PRIM2: variants seen among roughly 807,000 people sequenced by gnomAD.
PRIM2 encodes DNA primase subunit 2, also known as DNA primase large subunit.
Under a neutral mutation model 67.3 loss-of-function variants are expected in PRIM2, and 39 were observed. That is an observed-to-expected ratio of 0.58 (90% CI 0.45 to 0.76). The LOEUF is 0.76. PRIM2 is among the 30% of genes least tolerant of loss of function. The probability of loss-of-function intolerance (pLI) is 0.00; values close to 1 mark genes in which losing one functional copy is unlikely to be tolerated. For missense variants in PRIM2, 398 were observed against 598.7 expected, an observed-to-expected ratio of 0.66 and a Z score of 3.50; for synonymous variants, 143 against 198.7, an observed-to-expected ratio of 0.72 and a Z score of 2.36.
At chr6:57,415,373 T>C (rs1771226661) in intron 7 of PRIM2, among the ~76,000 whole-genome samples, 1 of 152,206 alleles carries the variant, frequency 6.6e-6, no homozygotes, top group East Asian at 1.9e-4. Context: ...TGTTTCCCAG[T>C]GCATGTAAAA....
intron 8 of PRIM2, among the ~76,000 whole-genome samples, chr6:57,516,154 G>T (rs1554348234): frequency 2.6e-5 from 4 of 151,688 alleles, no homozygotes; most frequent in African/African-American, 9.7e-5. Flanking sequence ...GCTTTTAAAG[G>T]CCCGTGCGAT....
chr6:57,424,824 T>G (rs1230797837), intron 7 of PRIM2, among the ~76,000 whole-genome samples: 1 of 152,190 alleles, frequency 6.6e-6, no homozygotes, highest in Non-Finnish European at 1.5e-5. Context: ...GTTATATTAG[T>G]CTTAATGTAA....
chr6:57,224,025 G>T, the PRIM2 span, among the ~76,000 whole-genome samples: 1 of 152,182 alleles, frequency 6.6e-6, no homozygotes, highest in East Asian at 1.9e-4. Flanking sequence ...GTACAACCAT[G>T]TTTATAGCAG....
intron 13 of PRIM2, among the ~76,000 whole-genome samples, chr6:57,644,855 G>A (rs2127503024): frequency 6.6e-6 from 1 of 152,288 alleles, no homozygotes; most frequent in South Asian, 2.1e-4. Flanking sequence ...AGAAGGCAGG[G>A]ATTTGAGACT....
chr6:57,645,209 A>G, intron 13 of PRIM2, among the ~76,000 whole-genome samples: 1 of 151,746 alleles, frequency 6.6e-6, no homozygotes, highest in Non-Finnish European at 1.5e-5. Flanking sequence ...TCACTTAAAA[A>G]CCCACAAATA....
chr6:57,437,441 T>A (rs983488247), intron 7 of PRIM2, among the ~76,000 whole-genome samples: 5 of 152,226 alleles, frequency 3.3e-5, no homozygotes, highest in Non-Finnish European at 7.3e-5. Context: ...TTTCACCTGG[T>A]GGGCTCTCTA....
the PRIM2 span, among the ~76,000 whole-genome samples, chr6:57,251,792 C>T: frequency 1.3e-5 from 2 of 152,190 alleles, no homozygotes; most frequent in African/African-American, 4.8e-5. Context: ...ATTATTTTCT[C>T]ATGAGAATGC....
chr6:57,595,629 A>T, intron 10 of PRIM2, among the ~76,000 whole-genome samples: 1 of 152,314 alleles, frequency 6.6e-6, no homozygotes, highest in Non-Finnish European at 1.5e-5. Context: ...GTGCTAGAGC[A>T]GCTCATAGAA....
chr6:57,473,892 G>GT (rs1773398881), intron 7 of PRIM2, among the ~76,000 whole-genome samples: 1 of 150,834 alleles, frequency 6.6e-6, no homozygotes, highest in African/African-American at 2.5e-5. Flanking sequence ...TCTACTGTTT[G>GT]TTTGTTTTTT....
chr6:57,311,856 G>A (rs1282057594), upstream of PRIM2, among the ~76,000 whole-genome samples: 2 of 151,984 alleles, frequency 1.3e-5, no homozygotes, highest in Non-Finnish European at 2.9e-5. Context: ...GCGAAACCCC[G>A]TCTCCACCAA....
intron 8 of PRIM2, among the ~76,000 whole-genome samples, chr6:57,528,713 A>G (rs1435524337): frequency 6.6e-6 from 1 of 152,206 alleles, no homozygotes; most frequent in Non-Finnish European, 1.5e-5. Flanking sequence ...GCTGAGACTT[A>G]TAAGGGTCAA....
chr6:57,288,244 G>T, the PRIM2 span, among the ~76,000 whole-genome samples: 1 of 152,060 alleles, frequency 6.6e-6, no homozygotes, highest in Admixed American at 6.5e-5. Context: ...CATTGCTGAG[G>T]CTTGAATAGG....
chr6:57,383,766 G>A (rs1167913959), intron 7 of PRIM2, among the ~76,000 whole-genome samples: 7 of 152,086 alleles, frequency 4.6e-5, no homozygotes, highest in Non-Finnish European at 8.8e-5. Context: ...TGTTGCTGTC[G>A]TTGAGTTGCT....
At chr6:57,608,427 C>A (rs1420210459) in intron 12 of PRIM2, among the ~76,000 whole-genome samples, 1 of 152,034 alleles carries the variant, frequency 6.6e-6, no homozygotes, top group Non-Finnish European at 1.5e-5. Flanking sequence ...CAGTAAATAA[C>A]CTTTTCAAAA....
At chr6:57,290,510 A>G in the PRIM2 span, among the ~76,000 whole-genome samples, 289 of 152,342 alleles carry the variant, frequency 1.9e-3, no homozygotes, top group African/African-American at 6.5e-3. Context: ...TGGACCTAAT[A>G]GACATCTGTA....
At chr6:57,247,100 C>T in the PRIM2 span, among the ~76,000 whole-genome samples, 1 of 152,176 alleles carries the variant, frequency 6.6e-6, no homozygotes, top group Non-Finnish European at 1.5e-5. Context: ...GTGATCCGCC[C>T]GCCTTGGCCT....
At chr6:57,285,285 T>A in the PRIM2 span, among the ~76,000 whole-genome samples, 2 of 152,202 alleles carry the variant, frequency 1.3e-5, no homozygotes, top group African/African-American at 4.8e-5. Flanking sequence ...GAGGCCAGCA[T>A]CATCCTGGTT....
At chr6:57,471,985 G>C (rs1773346418) in intron 7 of PRIM2, among the ~76,000 whole-genome samples, 2 of 152,014 alleles carry the variant, frequency 1.3e-5, no homozygotes, top group Non-Finnish European at 2.9e-5. Context: ...TGAGATACGC[G>C]GTTTTTTTTT....
chr6:57,272,740 G>A, the PRIM2 span, among the ~76,000 whole-genome samples: 1 of 152,162 alleles, frequency 6.6e-6, no homozygotes, highest in Non-Finnish European at 1.5e-5. Flanking sequence ...TTTACAATTT[G>A]GCATGTTTTT....
Sources: allele counts gnomAD v4.1 joint callset (sites outside exome capture counted in the v4.1 genomes callset), GRCh38; gene constraint gnomAD v4.1.1; transcripts MANE v1.5; gene names NCBI Gene and HGNC (gene_info 2026-07-23, HGNC 2026-07-21).